Variants in CNTN4 observed in about 807,000 individuals in gnomAD.
The protein encoded by CNTN4 is contactin 4.
A neutral mutation model predicts 122.5 loss-of-function variants in CNTN4; 77 were observed. That is an observed-to-expected ratio of 0.63 (90% CI 0.52 to 0.76). CNTN4 has a LOEUF of 0.76. Ranked by LOEUF, CNTN4 falls within the 30% of genes least tolerant of loss-of-function variation. The pLI, the probability that CNTN4 is intolerant of heterozygous loss-of-function variation, is 0.00. For synonymous variants in CNTN4, 512 were observed against 447.0 expected (o/e 1.15, Z -1.83); for missense variants, 1,256 against 1,259.1 (o/e 1.00, Z 0.04).
intron 3 of CNTN4, among the ~76,000 whole-genome samples, chr3:2,434,800 T>C (rs1168947856): frequency 6.6e-6 from 1 of 152,178 alleles, no homozygotes; most frequent in Non-Finnish European, 1.5e-5. Context: ...AAGGCAATAT[T>C]GAATATATTT....
intron 13 of CNTN4, among the ~76,000 whole-genome samples, chr3:2,974,609 G>A (rs549273681): frequency 2.6e-4 from 40 of 152,280 alleles, no homozygotes; most frequent in African/African-American, 8.7e-4. Flanking sequence ...CAATGTGGCC[G>A]AAATGGAGAG....
chr3:3,030,172 C>A (rs972941042), intron 15 of CNTN4, among the ~76,000 whole-genome samples: 1 of 152,282 alleles, frequency 6.6e-6, no homozygotes, highest in East Asian at 1.9e-4. Flanking sequence ...GTGGAATCAT[C>A]TCCTCACATT....
intron 13 of CNTN4, among the ~76,000 whole-genome samples, chr3:2,950,164 C>T (rs1466093446): frequency 6.6e-6 from 1 of 152,216 alleles, no homozygotes; most frequent in Non-Finnish European, 1.5e-5. Context: ...GTATCCCCTC[C>T]AGAGAGCCCT....
chr3:2,691,178 G>T (rs1042687195), intron 4 of CNTN4, among the ~76,000 whole-genome samples: 4 of 152,270 alleles, frequency 2.6e-5, no homozygotes, highest in African/African-American at 9.6e-5. Flanking sequence ...CTGAGTGAAC[G>T]TGTTGATGTC....
At chr3:2,925,853 G>A in intron 13 of CNTN4, 74 bp downstream of exon 13, 3 of 1,311,344 alleles carry the variant, frequency 2.3e-6, no homozygotes, top group Non-Finnish European at 3.3e-6. Flanking sequence ...TAATTCTAAG[G>A]GGAAGGTGGG....
chr3:2,524,138 C>T (rs2077317196), intron 3 of CNTN4, among the ~76,000 whole-genome samples: 1 of 152,090 alleles, frequency 6.6e-6, no homozygotes, highest in Non-Finnish European at 1.5e-5. Context: ...CACCTGTTCA[C>T]AGTCGCTTCC....
intron 6 of CNTN4, among the ~76,000 whole-genome samples, chr3:2,757,269 C>G (rs2090379948): frequency 6.6e-6 from 1 of 152,102 alleles, no homozygotes; most frequent in South Asian, 2.1e-4. Context: ...GTTTTTACCT[C>G]TCACTTGGAA....
chr3:2,488,408 T>C (rs149922548), intron 3 of CNTN4, among the ~76,000 whole-genome samples: 79 of 152,250 alleles, frequency 5.2e-4, no homozygotes, highest in African/African-American at 1.7e-3. Flanking sequence ...ATGTGTATGT[T>C]TGGTAAATTG....
At chr3:2,961,225 A>G (rs1478695349) in intron 13 of CNTN4, among the ~76,000 whole-genome samples, 11 of 131,590 alleles carry the variant, frequency 8.4e-5, no homozygotes, top group East Asian at 4.4e-4. Flanking sequence ...ACGAGACTCC[A>G]TCTCACAAAA....
intron 3 of CNTN4, among the ~76,000 whole-genome samples, chr3:2,404,443 T>C (rs1204375372): frequency 6.6e-6 from 1 of 152,162 alleles, no homozygotes; most frequent in African/African-American, 2.4e-5. Context: ...TCTGCTCGCA[T>C]ACCCTGGCTG....
At chr3:2,510,190 C>A (rs984937175) in intron 3 of CNTN4, among the ~76,000 whole-genome samples, 3 of 152,148 alleles carry the variant, frequency 2.0e-5, no homozygotes, top group African/African-American at 7.2e-5. Flanking sequence ...TTATTTCACT[C>A]CCGTCACCCC....
At chr3:2,354,719 A>G (rs763704513) in intron 3 of CNTN4, among the ~76,000 whole-genome samples, 1 of 147,120 alleles carries the variant, frequency 6.8e-6, no homozygotes, top group Non-Finnish European at 1.5e-5. Flanking sequence ...GGTATTGCAG[A>G]AAAAAAAAAT....
intron 2 of CNTN4, among the ~76,000 whole-genome samples, chr3:2,273,270 A>G (rs1460464741): frequency 6.6e-6 from 1 of 152,168 alleles, no homozygotes; most frequent in Non-Finnish European, 1.5e-5. Context: ...CTTAGTTGTC[A>G]TTTTATAGTT....
chr3:2,293,090 G>C (rs2042190886), intron 2 of CNTN4, among the ~76,000 whole-genome samples: 2 of 150,854 alleles, frequency 1.3e-5, no homozygotes, highest in East Asian at 2.0e-4. Context: ...CACGATTCTT[G>C]TGGGTGTATA....
chr3:2,577,904 A>C (rs1262858621), intron 4 of CNTN4, among the ~76,000 whole-genome samples: 1 of 152,152 alleles, frequency 6.6e-6, no homozygotes, highest in East Asian at 1.9e-4. Flanking sequence ...CAGTTTACCA[A>C]CTTCAGCAAT....
chr3:2,629,473 T>C (rs1199948159), intron 4 of CNTN4: 5 of 395,532 alleles, frequency 1.3e-5, no homozygotes, highest in Non-Finnish European at 2.5e-5. Context: ...GGTTTCTGAA[T>C]TTGATTTTCT....
intron 4 of CNTN4, among the ~76,000 whole-genome samples, chr3:2,660,603 G>A (rs1176606457): frequency 6.6e-6 from 1 of 152,314 alleles, no homozygotes; most frequent in South Asian, 2.1e-4. Context: ...AGAATTTAAA[G>A]CACCAGAGTC....
At chr3:2,553,589 C>T (rs1392907698) in intron 3 of CNTN4, among the ~76,000 whole-genome samples, 1 of 152,042 alleles carries the variant, frequency 6.6e-6, no homozygotes, top group African/African-American at 2.4e-5. Context: ...ATGATGGTTA[C>T]TAACACACAG....
intron 3 of CNTN4, among the ~76,000 whole-genome samples, chr3:2,405,642 T>C (rs1171343758): frequency 6.6e-6 from 1 of 150,390 alleles, no homozygotes. Flanking sequence ...TAGATAGGAG[T>C]CAAGGATCAG....
Sources: gnomAD v4.1 joint callset for allele counts (sites outside exome capture counted in the v4.1 genomes callset) on GRCh38, gnomAD v4.1.1 for gene constraint, MANE v1.5 for transcripts, NCBI Gene and HGNC (gene_info 2026-07-23, HGNC 2026-07-21) for gene names.